MARCHF10: variants seen among roughly 807,000 people sequenced by gnomAD.
MARCHF10 encodes the protein membrane associated ring-CH-type finger 10, also known as probable E3 ubiquitin-protein ligase MARCHF10.
MARCHF10 carries 64 observed loss-of-function variants against 76.2 expected under a neutral mutation model. The ratio of observed to expected loss-of-function variants is 0.84; its 90% CI spans 0.69 to 1.03. The LOEUF is 1.03. MARCHF10 is among the 50% of genes least tolerant of loss of function. MARCHF10 has a pLI of 0.00. For missense variants in MARCHF10, 875 were observed against 958.0 expected (o/e 0.91, Z 1.14); for synonymous variants, 340 against 357.5 (o/e 0.95, Z 0.55).
chr17:62,775,280 C>T (rs1162939772), intron 3 of MARCHF10, among the ~76,000 whole-genome samples: 1 of 151,842 alleles, frequency 6.6e-6, no homozygotes, highest in African/African-American at 2.4e-5. Context: ...CACCCACCAC[C>T]ACGCCCAGCT....
chr17:62,749,717 A>T (rs895917652), intron 4 of MARCHF10, among the ~76,000 whole-genome samples: 2 of 152,220 alleles, frequency 1.3e-5, no homozygotes, highest in Non-Finnish European at 2.9e-5. Flanking sequence ...GTGATGCCTA[A>T]TAAGTAGGCA....
chr17:62,797,563 C>A (rs960165567), intron 2 of MARCHF10, among the ~76,000 whole-genome samples: 5 of 152,096 alleles, frequency 3.3e-5, no homozygotes, highest in African/African-American at 1.2e-4. Flanking sequence ...CCCTTTAGTT[C>A]TAAATTAAAA....
chr17:62,727,727 T>C (rs1294706865), intron 6 of MARCHF10, among the ~76,000 whole-genome samples: 1 of 151,934 alleles, frequency 6.6e-6, no homozygotes, highest in Non-Finnish European at 1.5e-5. Flanking sequence ...CCAGAAATAA[T>C]GAGGAATTCT....
At chr17:62,708,066 C>T (rs1338751920) in intron 9 of MARCHF10, among the ~76,000 whole-genome samples, 3 of 152,124 alleles carry the variant, frequency 2.0e-5, no homozygotes, top group Non-Finnish European at 4.4e-5. Flanking sequence ...CCAGTGCACT[C>T]CAGCCTGGGC....
At chr17:62,701,976 TC>T (rs1568080922) in intron 10 of MARCHF10, among the ~76,000 whole-genome samples, 1 of 152,006 alleles carries the variant, frequency 6.6e-6, no homozygotes, top group Non-Finnish European at 1.5e-5. Flanking sequence ...CACACCAGCT[TC>T]CCCCAAAGAC....
intron 3 of MARCHF10, among the ~76,000 whole-genome samples, chr17:62,760,781 C>T (rs897054743): frequency 3.3e-5 from 5 of 152,166 alleles, no homozygotes; most frequent in African/African-American, 7.2e-5. Context: ...GTATGACTTG[C>T]TAGGCTATCC....
At chr17:62,775,233 C>T (rs1432842534) in intron 3 of MARCHF10, among the ~76,000 whole-genome samples, 2 of 150,330 alleles carry the variant, frequency 1.3e-5, no homozygotes, top group African/African-American at 2.4e-5. Flanking sequence ...TCAGGCAATT[C>T]TCCTGCTTTA....
chr17:62,720,133 G>A (rs2090409233), intron 8 of MARCHF10, among the ~76,000 whole-genome samples: 1 of 152,136 alleles, frequency 6.6e-6, no homozygotes, highest in South Asian at 2.1e-4. Flanking sequence ...TTACATTCCT[G>A]GTCTGGTAAT....
In MARCHF10 at chr17:62,789,284, C is replaced by T. The variant is rs532784993; in HGVS notation, c.91-685G>A. Among the ~76,000 whole-genome samples, 3 of 152,134 alleles carry T rather than the reference C, an allele frequency of 2.0e-5. No homozygotes were observed. In the Middle Eastern group the frequency reaches 0.01, roughly 517 times the overall value. On this transcript the variant is annotated intron_variant, in intron 2 of 10. Coordinates refer to ENST00000311269, the MANE Select transcript of MARCHF10 (RefSeq NM_152598.4). ...CTTCCTACCTTCACTATACTGTGAC[C>T]CTGGAGATGACACCCTAGTTGCGGG...
Position 62,725,041 on chromosome 17 carries a change from AC to A in MARCHF10, c.2000del (p.Gly667ValfsTer25). ...GCTCCAGGAGGGGGTTGCTTGGGGAACCCCCGGCTATCTGACAGATGCGACA... is the reference window on the plus strand; with the variant it reads ...GCTCCAGGAGGGGGTTGCTTGGGGAACCCCGGCTATCTGACAGATGCGACA... The part of the protein sequence containing the change: ...DLCRICQIAG[G>X]SPSNPLLEPC... On this transcript the variant is annotated frameshift_variant, in exon 7 of 11. Transcript: ENST00000311269. LOFTEE classifies it high-confidence loss of function. 2 of 1,606,350 alleles carry A rather than the reference AC, an allele frequency of 1.2e-6. No individual in the cohort carries two copies. Among genetic ancestry groups the A allele is most frequent in the Non-Finnish European group, 1.7e-6 (2 of 1,177,170 alleles).
intron 3 of MARCHF10, among the ~76,000 whole-genome samples, chr17:62,779,863 G>A (rs921060422): frequency 2.6e-5 from 4 of 152,176 alleles, no homozygotes; most frequent in African/African-American, 4.8e-5. Flanking sequence ...TTGGGAGGCC[G>A]AGGCGGGTGG....
At chr17:62,767,307 T>C (rs2092355031) in intron 3 of MARCHF10, among the ~76,000 whole-genome samples, 1 of 152,208 alleles carries the variant, frequency 6.6e-6, no homozygotes, top group South Asian at 2.1e-4. Flanking sequence ...CAATGGTTTA[T>C]TTTTGTAAAG....
intron 9 of MARCHF10, among the ~76,000 whole-genome samples, chr17:62,708,292 C>A (rs2089713689): frequency 6.7e-6 from 1 of 150,018 alleles, no homozygotes; most frequent in Non-Finnish European, 1.5e-5. Context: ...GTTGCCCAGG[C>A]TGGAGCGCAG....
chr17:62,793,333 CAAA>C (rs2092910719), intron 2 of MARCHF10, among the ~76,000 whole-genome samples: 1 of 145,512 alleles, frequency 6.9e-6, no homozygotes, highest in African/African-American at 2.6e-5. Context: ...ACCACCACCA[CAAA>C]CACCATCAAC....
chr17:62,792,101 C>T, intron 2 of MARCHF10, among the ~76,000 whole-genome samples: 1 of 151,996 alleles, frequency 6.6e-6, no homozygotes, highest in East Asian at 1.9e-4. Flanking sequence ...AGGGCTTCTT[C>T]CTTCCCTCCT....
Position 62,701,646 on chromosome 17 carries a change from G to T in MARCHF10, c.*57C>A, listed in dbSNP as rs376657500. On this transcript the variant is annotated 3_prime_UTR_variant, in exon 11 of 11. Transcript: ENST00000311269. ...AGGAGGGAGGGAGGCACTTGGGGAC[G>T]TAGAAAGAAGGGCTGGCGGGAGAGG... 6.2e-6 allele frequency: 10 copies of T among 1,612,888 alleles called. No homozygotes were observed. The East Asian group carries it at 6.7e-5, about 11-fold the overall frequency.
chr17:62,707,224 T>C (rs2089647475), intron 9 of MARCHF10, among the ~76,000 whole-genome samples: 3 of 152,156 alleles, frequency 2.0e-5, no homozygotes, highest in African/African-American at 7.2e-5. Flanking sequence ...TGGAAACTGT[T>C]CCATGGCCTC....
intron 4 of MARCHF10, among the ~76,000 whole-genome samples, chr17:62,757,155 G>T (rs1315889761): frequency 6.6e-6 from 1 of 152,098 alleles, no homozygotes; most frequent in Non-Finnish European, 1.5e-5. Flanking sequence ...TAAAAGTCTG[G>T]TATAACACAG....
intron 3 of MARCHF10, among the ~76,000 whole-genome samples, chr17:62,784,591 T>C (rs2092715566): frequency 6.6e-6 from 1 of 152,208 alleles, no homozygotes; most frequent in African/African-American, 2.4e-5. Context: ...ACTGTCCCTG[T>C]TTGCAGATGA....
Sources: gnomAD v4.1 joint callset for allele counts (sites outside exome capture counted in the v4.1 genomes callset) on GRCh38, gnomAD v4.1.1 for gene constraint, MANE v1.5 for transcripts, NCBI Gene and HGNC (gene_info 2026-07-23, HGNC 2026-07-21) for gene names.